Variants in ITFG1 observed in about 807,000 individuals in gnomAD.
ITFG1 encodes the protein T-cell immunomodulatory protein.
ITFG1 carries 34 observed loss-of-function variants against 81.8 expected under a neutral mutation model. That is an observed-to-expected ratio of 0.42 (90% CI 0.32 to 0.55). The LOEUF (loss-of-function observed/expected upper bound fraction) is 0.55. Ranked by LOEUF, ITFG1 falls within the 20% of genes least tolerant of loss-of-function variation. The probability of loss-of-function intolerance (pLI) is 0.17; values close to 1 mark genes in which losing one functional copy is unlikely to be tolerated. For synonymous variants in ITFG1, 285 were observed against 270.6 expected (o/e 1.05, Z -0.52); for missense variants, 672 against 755.4 (o/e 0.89, Z 1.29).
chr16:47,451,574 A>C, intron 4 of ITFG1, 104 bp from the exon 5 acceptor site: 1 of 635,364 alleles, frequency 1.6e-6, no homozygotes, highest in South Asian at 1.9e-5. Flanking sequence ...AGACATTACA[A>C]TGCTCGCCAG....
At chr16:47,264,367 T>C (rs532083574) in intron 10 of ITFG1, among the ~76,000 whole-genome samples, 75 of 152,294 alleles carry the variant, frequency 4.9e-4, no homozygotes, top group Admixed American at 2.7e-3. Flanking sequence ...GATCCCTATA[T>C]TGAAAACATC....
intron 10 of ITFG1, among the ~76,000 whole-genome samples, chr16:47,308,628 T>A (rs1318023760): frequency 6.6e-6 from 1 of 152,206 alleles, no homozygotes; most frequent in African/African-American, 2.4e-5. Context: ...AAACTAAAAT[T>A]ACTTTATAAA....
intron 10 of ITFG1, among the ~76,000 whole-genome samples, chr16:47,307,769 T>C (rs557161420): frequency 1.8e-4 from 27 of 152,294 alleles, no homozygotes; most frequent in Non-Finnish European, 3.1e-4. Flanking sequence ...TACCCCATTG[T>C]TAGTTTTTCA....
At chr16:47,436,839 T>C (rs1313755553) in intron 5 of ITFG1, among the ~76,000 whole-genome samples, 2 of 152,176 alleles carry the variant, frequency 1.3e-5, no homozygotes, top group South Asian at 2.1e-4. Context: ...ATCAATTCAT[T>C]AGACCCATTT....
At chr16:47,407,528 G>T (rs1968743833) in intron 6 of ITFG1, among the ~76,000 whole-genome samples, 1 of 152,114 alleles carries the variant, frequency 6.6e-6, no homozygotes, top group African/African-American at 2.4e-5. Context: ...TGTATTTTTA[G>T]TAGAAATAGG....
At chr16:47,200,093 C>A (rs1368794407) in intron 14 of ITFG1, among the ~76,000 whole-genome samples, 1 of 151,976 alleles carries the variant, frequency 6.6e-6, no homozygotes, top group Non-Finnish European at 1.5e-5. Context: ...TCCTACCAGG[C>A]CAGGGACCCA....
chr16:47,296,703 T>C (rs1353181716), intron 10 of ITFG1, among the ~76,000 whole-genome samples: 1 of 152,254 alleles, frequency 6.6e-6, no homozygotes. Context: ...CCCAAAGTGC[T>C]GGGATTACAG....
intron 17 of ITFG1, chr16:47,157,443 C>T (rs1404325638): frequency 2.6e-5 from 4 of 152,154 alleles, no homozygotes; most frequent in African/African-American, 4.8e-5. Flanking sequence ...TATACTTGTA[C>T]TTAAAACTTT....
chr16:47,426,127 C>T (rs1180918029), intron 6 of ITFG1: 2 of 152,022 alleles, frequency 1.3e-5, no homozygotes, highest in Non-Finnish European at 2.9e-5. Flanking sequence ...ATGCAGGACT[C>T]GCTTAAGAAT....
chr16:47,241,081 A>C (rs1965928128), intron 12 of ITFG1, among the ~76,000 whole-genome samples: 3 of 152,310 alleles, frequency 2.0e-5, no homozygotes, highest in East Asian at 1.9e-4. Flanking sequence ...AAAAAAAAAA[A>C]AACTCACAAT....
At chr16:47,349,580 C>A (rs185827482) in intron 8 of ITFG1, among the ~76,000 whole-genome samples, 2 of 152,188 alleles carry the variant, frequency 1.3e-5, no homozygotes, top group East Asian at 1.9e-4. Context: ...GAGACCTACA[C>A]AGAGACTTAG....
intron 10 of ITFG1, among the ~76,000 whole-genome samples, chr16:47,264,068 T>C (rs1966244676): frequency 6.6e-6 from 1 of 152,216 alleles, no homozygotes; most frequent in African/African-American, 2.4e-5. Flanking sequence ...TTATAACTAA[T>C]ATATCTTAAA....
At chr16:47,183,495 C>A (rs1036867302) in intron 14 of ITFG1, among the ~76,000 whole-genome samples, 6 of 152,240 alleles carry the variant, frequency 3.9e-5, no homozygotes, top group African/African-American at 1.2e-4. Flanking sequence ...CCCCAGGCAG[C>A]CTAACTGGGA....
chr16:47,429,643 C>T (rs1208952315), intron 5 of ITFG1, among the ~76,000 whole-genome samples: 1 of 152,172 alleles, frequency 6.6e-6, no homozygotes, highest in Non-Finnish European at 1.5e-5. Context: ...CAGTATTTCA[C>T]TGTGGTTTGA....
At chr16:47,288,960 C>A (rs1352277843) in intron 10 of ITFG1, among the ~76,000 whole-genome samples, 1 of 152,132 alleles carries the variant, frequency 6.6e-6, no homozygotes, top group Non-Finnish European at 1.5e-5. Flanking sequence ...TCCAACTTTT[C>A]CTCGTGTAGT....
intron 6 of ITFG1, among the ~76,000 whole-genome samples, chr16:47,405,054 G>A (rs181368936): frequency 1.9e-4 from 29 of 151,482 alleles, no homozygotes; most frequent in East Asian, 3.9e-4. Context: ...CACAAATATC[G>A]TCTCCCAATT....
chr16:47,316,123 GA>G (rs2151566554), intron 8 of ITFG1, among the ~76,000 whole-genome samples: 1 of 152,258 alleles, frequency 6.6e-6, no homozygotes, highest in East Asian at 1.9e-4. Context: ...TGAAATGACA[GA>G]AATGCTTTTT....
intron 8 of ITFG1, among the ~76,000 whole-genome samples, chr16:47,322,021 T>C (rs59547333): frequency 0.066 from 10,089 of 152,246 alleles, 542 homozygotes; most frequent in African/African-American, 0.14. Context: ...ATTATGAATA[T>C]GTACATGGAT....
At chr16:47,183,848 G>A (rs1031330144) in intron 14 of ITFG1, among the ~76,000 whole-genome samples, 9 of 152,122 alleles carry the variant, frequency 5.9e-5, no homozygotes, top group Non-Finnish European at 4.4e-5. Flanking sequence ...TGAGCTACAG[G>A]AGGACATTCA....
Sources: allele counts gnomAD v4.1 joint callset (sites outside exome capture counted in the v4.1 genomes callset), GRCh38; gene constraint gnomAD v4.1.1; transcripts MANE v1.5; gene names NCBI Gene and HGNC (gene_info 2026-07-23, HGNC 2026-07-21).